ZRANB3: variants seen among roughly 807,000 people sequenced by gnomAD.
ZRANB3 encodes zinc finger RANBP2-type containing 3, also known as DNA annealing helicase and endonuclease ZRANB3.
Under a neutral mutation model 133.8 loss-of-function variants are expected in ZRANB3, and 125 were observed. That is an observed-to-expected ratio of 0.93 (90% CI 0.81 to 1.08). The LOEUF (loss-of-function observed/expected upper bound fraction) is 1.08. Among genes scored for constraint, ZRANB3 ranks in the 50% least tolerant of loss-of-function variants. The pLI, the probability that ZRANB3 is intolerant of heterozygous loss-of-function variation, is 0.00. For missense variants in ZRANB3, 1,229 were observed against 1,275.5 expected, an observed-to-expected ratio of 0.96 and a Z score of 0.56; for synonymous variants, 387 against 432.7, an observed-to-expected ratio of 0.89 and a Z score of 1.31.
intron 12 of ZRANB3, among the ~76,000 whole-genome samples, chr2:135,234,252 A>AATAT (rs1271780204): frequency 4.6e-5 from 7 of 152,240 alleles, no homozygotes; most frequent in African/African-American, 7.2e-5. Flanking sequence ...AACTATCCTA[A>AATAT]ATATATACGC....
intron 2 of ZRANB3, among the ~76,000 whole-genome samples, chr2:135,398,685 A>AT (rs571208392): frequency 0.037 from 5,332 of 142,272 alleles, 105 homozygotes; most frequent in South Asian, 0.05. Context: ...TGCCCAGCTA[A>AT]TTTTTTTTTT....
At chr2:135,491,517 T>G (rs957525987) in intron 2 of ZRANB3, among the ~76,000 whole-genome samples, 2 of 151,846 alleles carry the variant, frequency 1.3e-5, no homozygotes, top group East Asian at 3.9e-4. Context: ...GCTAATTTTT[T>G]GTATTTTTTT....
intron 8 of ZRANB3, among the ~76,000 whole-genome samples, chr2:135,300,888 C>T (rs1443826346): frequency 6.6e-6 from 1 of 152,190 alleles, no homozygotes; most frequent in Non-Finnish European, 1.5e-5. Flanking sequence ...TTATTGTACT[C>T]CAATCCACTG....
chr2:135,372,786 C>CA (rs536156455), intron 3 of ZRANB3, among the ~76,000 whole-genome samples: 3,137 of 53,338 alleles, frequency 0.059, 166 homozygotes, highest in African/African-American at 0.17. Flanking sequence ...GACTCCATCT[C>CA]AAAAAAAAAA....
In ZRANB3 at chr2:135,219,130, CT is replaced by C; in HGVS notation, c.2298del (p.Asp767ThrfsTer12). 6.5e-7 allele frequency: 1 copy of C among 1,542,008 alleles called. No homozygotes were observed. Among genetic ancestry groups the C allele is most frequent in the Non-Finnish European group, 8.7e-7 (1 of 1,148,884 alleles). Reference sequence around the variant, plus strand: ...CTTGCTGGTAAATCTTCCCAAAGGTCTAATTTTATATCCAGAGGAATGAAAT... The same window carrying C: ...CTTGCTGGTAAATCTTCCCAAAGGTCAATTTTATATCCAGAGGAATGAAAT... ...SCNFIPLDIK[L>X]DLWEDLPASF... On this transcript the variant is annotated frameshift_variant, in exon 16 of 21. Coordinates refer to ENST00000264159, the MANE Select transcript of ZRANB3 (RefSeq NM_032143.4). LOFTEE classifies it high-confidence loss of function.
chr2:135,372,290 G>A (rs562544941), intron 3 of ZRANB3, among the ~76,000 whole-genome samples: 5 of 152,138 alleles, frequency 3.3e-5, no homozygotes, highest in Admixed American at 6.6e-5. Context: ...ATCCGTTGGC[G>A]CCTTGATCTT....
intron 1 of ZRANB3, among the ~76,000 whole-genome samples, chr2:135,523,158 C>T (rs1386202164): frequency 6.6e-6 from 1 of 152,202 alleles, no homozygotes; most frequent in East Asian, 1.9e-4. Context: ...ATGCAAGTTA[C>T]TCAAACTGGG....
intron 12 of ZRANB3, among the ~76,000 whole-genome samples, chr2:135,235,343 A>G (rs554511452): frequency 2.0e-5 from 3 of 152,336 alleles, no homozygotes; most frequent in Non-Finnish European, 4.4e-5. Flanking sequence ...TTCACAGCCA[A>G]ATTCTACGAG....
At chr2:135,362,135 T>C (rs1685719818) in intron 3 of ZRANB3, among the ~76,000 whole-genome samples, 1 of 151,606 alleles carries the variant, frequency 6.6e-6, no homozygotes, top group South Asian at 2.1e-4. Context: ...GAGGCGGAGC[T>C]TGCAGTGAGC....
chr2:135,386,557 G>A (rs543041592), intron 3 of ZRANB3, among the ~76,000 whole-genome samples: 1 of 152,234 alleles, frequency 6.6e-6, no homozygotes, highest in South Asian at 2.1e-4. Flanking sequence ...GTTTACTGGG[G>A]CACTATTCAC....
intron 3 of ZRANB3, among the ~76,000 whole-genome samples, chr2:135,382,022 G>T (rs576651280): frequency 6.6e-6 from 1 of 152,182 alleles, no homozygotes; most frequent in Non-Finnish European, 1.5e-5. Flanking sequence ...AGAGAAGAAG[G>T]CTTCAGACGA....
At chr2:135,338,895 A>G (rs1323600011) in intron 6 of ZRANB3, among the ~76,000 whole-genome samples, 1 of 152,250 alleles carries the variant, frequency 6.6e-6, no homozygotes, top group African/African-American at 2.4e-5. Flanking sequence ...GTATATATGA[A>G]CAAGTGTAAG....
intron 2 of ZRANB3, among the ~76,000 whole-genome samples, chr2:135,467,050 A>C (rs1481372054): frequency 6.6e-6 from 1 of 152,146 alleles, no homozygotes; most frequent in Admixed American, 6.5e-5. Flanking sequence ...ATTATTTTAC[A>C]TGGTAGGTTT....
At chr2:135,244,585 G>A (rs1366944959) in intron 12 of ZRANB3, among the ~76,000 whole-genome samples, 1 of 151,928 alleles carries the variant, frequency 6.6e-6, no homozygotes, top group Non-Finnish European at 1.5e-5. Context: ...TCCAGCCTGG[G>A]TGACAGAGCA....
chr2:135,381,619 C>A (rs1558957198), intron 3 of ZRANB3, among the ~76,000 whole-genome samples: 2 of 152,174 alleles, frequency 1.3e-5, no homozygotes, highest in East Asian at 1.9e-4. Flanking sequence ...TGACACCACA[C>A]ATGGCCGGGT....
At chr2:135,208,116 G>A (rs1230271375) in intron 18 of ZRANB3, among the ~76,000 whole-genome samples, 6 of 152,156 alleles carry the variant, frequency 3.9e-5, no homozygotes, top group Non-Finnish European at 8.8e-5. Flanking sequence ...TGAAACATCT[G>A]GAGAAGCTGT....
At chr2:135,480,531 T>C (rs541537944) in intron 2 of ZRANB3, among the ~76,000 whole-genome samples, 2 of 152,270 alleles carry the variant, frequency 1.3e-5, no homozygotes, top group Non-Finnish European at 2.9e-5. Flanking sequence ...AGTGATACTT[T>C]TAAAGAATAA....
At chr2:135,456,186 A>C (rs577823420) in intron 2 of ZRANB3, among the ~76,000 whole-genome samples, 2 of 152,218 alleles carry the variant, frequency 1.3e-5, no homozygotes, top group African/African-American at 4.8e-5. Context: ...CATCTGAAAA[A>C]GGAATTTATT....
intron 2 of ZRANB3, 62 bp downstream of exon 2, chr2:135,504,267 C>T: frequency 6.3e-7 from 1 of 1,595,822 alleles, no homozygotes; most frequent in Non-Finnish European, 8.6e-7. Context: ...TTGAACAGAA[C>T]TTTGTTTTTA....
Sources: gnomAD v4.1 joint callset for allele counts (sites outside exome capture counted in the v4.1 genomes callset) on GRCh38, gnomAD v4.1.1 for gene constraint, MANE v1.5 for transcripts, NCBI Gene and HGNC (gene_info 2026-07-23, HGNC 2026-07-21) for gene names.